AUTS2: variants seen among roughly 807,000 people sequenced by gnomAD.
AUTS2 encodes the protein activator of transcription and developmental regulator AUTS2, also known as autism susceptibility gene 2 protein.
A neutral mutation model predicts 112.4 loss-of-function variants in AUTS2; 17 were observed. That is an observed-to-expected ratio of 0.15 (90% confidence interval 0.10 to 0.23). AUTS2 has a LOEUF of 0.23. AUTS2 is among the 10% of genes least tolerant of loss of function. The probability of loss-of-function intolerance (pLI) is 1.00; values close to 1 mark genes in which losing one functional copy is unlikely to be tolerated. For synonymous variants in AUTS2, 751 were observed against 702.7 expected, an observed-to-expected ratio of 1.07 and a Z score of -1.09; for missense variants, 1,510 against 1,701.6, an observed-to-expected ratio of 0.89 and a Z score of 1.98.
intron 5 of AUTS2, among the ~76,000 whole-genome samples, chr7:70,620,690 G>A (rs959627694): frequency 3.9e-5 from 6 of 152,084 alleles, no homozygotes; most frequent in Non-Finnish European, 8.8e-5. Flanking sequence ...TAGGCCCGAG[G>A]CAGAACTTCT....
chr7:69,821,004 G>A lies in AUTS2; in HGVS notation c.310-78282G>A, dbSNP rs140630079. 3.3e-5 allele frequency among the ~76,000 whole-genome samples: 5 copies of A among 152,266 alleles called. No individual in the cohort carries two copies. The East Asian group carries it at 5.8e-4, about 18-fold the overall frequency. ...TCTGCACCTGGAAAGGCTTTATAAC[G>A]TGAGATTCTCAAGAGGAAGATTTTA... On this transcript the variant is annotated intron_variant, in intron 1 of 18. Transcript: ENST00000342771.
chr7:69,813,075 C>T (rs775067015), intron 1 of AUTS2, among the ~76,000 whole-genome samples: 58 of 152,304 alleles, frequency 3.8e-4, no homozygotes, highest in African/African-American at 1.3e-3. Flanking sequence ...AGACACTGCA[C>T]GGTCTAGTGC....
chr7:70,366,084 G>T (rs188781021), intron 4 of AUTS2, among the ~76,000 whole-genome samples: 4 of 152,246 alleles, frequency 2.6e-5, no homozygotes, highest in African/African-American at 9.6e-5. Flanking sequence ...TGGTTTTCCA[G>T]TTGTATTTTA....
intron 4 of AUTS2, among the ~76,000 whole-genome samples, chr7:70,328,173 G>A (rs1449773104): frequency 6.6e-6 from 1 of 152,122 alleles, no homozygotes; most frequent in Non-Finnish European, 1.5e-5. Flanking sequence ...AGAACCAAAT[G>A]CCTTTCAGCT....
At chr7:69,926,437 GTCTGTCTGTCTATCTATCTATCTA>G (rs1045147156) in intron 2 of AUTS2, among the ~76,000 whole-genome samples, 1 of 117,774 alleles carries the variant, frequency 8.5e-6, no homozygotes, top group Non-Finnish European at 1.8e-5. Flanking sequence ...CTATCTGTCT[GTCTGTCTGTCTATCTATCTATCTA>G]TCTATCTATC....
At chr7:70,251,088 G>A (rs972639336) in intron 4 of AUTS2, among the ~76,000 whole-genome samples, 4 of 151,250 alleles carry the variant, frequency 2.6e-5, no homozygotes, top group East Asian at 1.9e-4. Context: ...TTGTTGAGAC[G>A]GAGTCTCACT....
At chr7:70,526,314 T>A (rs1799837317) in intron 5 of AUTS2, among the ~76,000 whole-genome samples, 1 of 152,194 alleles carries the variant, frequency 6.6e-6, no homozygotes, top group African/African-American at 2.4e-5. Flanking sequence ...CGTTTATTCT[T>A]CCTGAAGAGT....
intron 5 of AUTS2, among the ~76,000 whole-genome samples, chr7:70,469,976 C>G (rs1797317147): frequency 1.4e-5 from 2 of 145,838 alleles, no homozygotes; most frequent in African/African-American, 5.0e-5. Flanking sequence ...TGGAGATAAG[C>G]TTAGCACAGT....
intron 5 of AUTS2, among the ~76,000 whole-genome samples, chr7:70,627,845 G>A (rs953946824): frequency 2.6e-5 from 4 of 152,224 alleles, no homozygotes; most frequent in African/African-American, 9.6e-5. Context: ...GTGCAGTCAA[G>A]GTTGGGATAA....
At chr7:70,393,195 G>C (rs1585093621) in intron 4 of AUTS2, among the ~76,000 whole-genome samples, 1 of 152,168 alleles carries the variant, frequency 6.6e-6, no homozygotes, top group Non-Finnish European at 1.5e-5. Context: ...CTCCTCGGGA[G>C]ACTGAAAAAC....
chr7:70,080,215 G>A (rs898212912), intron 2 of AUTS2, among the ~76,000 whole-genome samples: 1 of 152,198 alleles, frequency 6.6e-6, no homozygotes, highest in South Asian at 2.1e-4. Context: ...AAAGTATGTT[G>A]TATTTGCATC....
intron 1 of AUTS2, among the ~76,000 whole-genome samples, chr7:69,620,617 A>G (rs1303753848): frequency 2.0e-5 from 3 of 152,188 alleles, no homozygotes; most frequent in Admixed American, 2.0e-4. Context: ...TATTCCCAGC[A>G]CGTAAGGACT....
At chr7:69,877,705 C>A (rs984684196) in intron 1 of AUTS2, among the ~76,000 whole-genome samples, 1 of 152,084 alleles carries the variant, frequency 6.6e-6, no homozygotes, top group African/African-American at 2.4e-5. Context: ...TGAGAACATG[C>A]AGTATTTGGT....
At chr7:70,482,328 C>T (rs1797823950) in intron 5 of AUTS2, among the ~76,000 whole-genome samples, 1 of 152,128 alleles carries the variant, frequency 6.6e-6, no homozygotes, top group Non-Finnish European at 1.5e-5. Flanking sequence ...GCTTCCTCGT[C>T]TTATTAGCCC....
chr7:69,889,999 ATGT>A (rs1259464804), intron 1 of AUTS2, among the ~76,000 whole-genome samples: 3 of 152,074 alleles, frequency 2.0e-5, no homozygotes, highest in African/African-American at 4.8e-5. Context: ...AGCTTTCAGA[ATGT>A]TGTTGTTACG....
At chr7:70,076,960 G>A (rs1015827291) in intron 2 of AUTS2, among the ~76,000 whole-genome samples, 1 of 152,158 alleles carries the variant, frequency 6.6e-6, no homozygotes, top group African/African-American at 2.4e-5. Context: ...GTTGAAAGAA[G>A]TGTAGATATA....
intron 4 of AUTS2, among the ~76,000 whole-genome samples, chr7:70,361,617 C>A (rs1474047998): frequency 3.3e-5 from 5 of 152,150 alleles, no homozygotes; most frequent in Admixed American, 3.3e-4. Flanking sequence ...AATTCTCTAG[C>A]AGCACCCCAA....
At chr7:70,275,756 C>T (rs1014061618) in intron 4 of AUTS2, among the ~76,000 whole-genome samples, 2 of 152,082 alleles carry the variant, frequency 1.3e-5, no homozygotes, top group Non-Finnish European at 2.9e-5. Context: ...TTATAAGGGG[C>T]TTTTTTCTTC....
At chr7:70,608,711 A>T (rs1284653513) in intron 5 of AUTS2, among the ~76,000 whole-genome samples, 1 of 152,128 alleles carries the variant, frequency 6.6e-6, no homozygotes, top group Admixed American at 6.5e-5. Flanking sequence ...ATGATATTGG[A>T]CAATCCCCTG....
Sources: allele counts gnomAD v4.1 joint callset (sites outside exome capture counted in the v4.1 genomes callset), GRCh38; gene constraint gnomAD v4.1.1; transcripts MANE v1.5; gene names NCBI Gene and HGNC (gene_info 2026-07-23, HGNC 2026-07-21).